Variants in NLRP1 observed in about 807,000 individuals in gnomAD.
NLRP1 encodes the protein NLR family pyrin domain containing 1.
A neutral mutation model predicts 136.7 loss-of-function variants in NLRP1; 94 were observed. That is an observed-to-expected ratio of 0.69 (90% CI 0.58 to 0.82). The LOEUF (loss-of-function observed/expected upper bound fraction) is 0.82, where lower values mean the gene tolerates loss of function less well. Among genes scored for constraint, NLRP1 ranks in the 40% least tolerant of loss-of-function variants. The pLI, the probability that NLRP1 is intolerant of heterozygous loss-of-function variation, is 0.00. For missense variants in NLRP1, 1,575 were observed against 1,802.7 expected, an observed-to-expected ratio of 0.87 and a Z score of 2.29; for synonymous variants, 690 against 725.1, an observed-to-expected ratio of 0.95 and a Z score of 0.78.
chr17:5,573,930 G>A (rs566161194), intron 3 of NLRP1, among the ~76,000 whole-genome samples: 12 of 152,302 alleles, frequency 7.9e-5, no homozygotes, highest in South Asian at 2.1e-4. Flanking sequence ...ATAGCTCCTC[G>A]CCAGCAATGG....
intron 5 of NLRP1, among the ~76,000 whole-genome samples, chr17:5,543,078 C>A (rs1912090568): frequency 6.6e-6 from 1 of 152,236 alleles, no homozygotes; most frequent in Non-Finnish European, 1.5e-5. Context: ...GATCCACCCA[C>A]CTCAGCCTCC....
chr17:5,543,048 T>C (rs1166021576), intron 5 of NLRP1, among the ~76,000 whole-genome samples: 1 of 152,224 alleles, frequency 6.6e-6, no homozygotes, highest in African/African-American at 2.4e-5. Context: ...CAGGCTGGTC[T>C]TCAACCCCTG....
At chr17:5,526,693 G>A (rs1472475341) in intron 12 of NLRP1, among the ~76,000 whole-genome samples, 1 of 152,236 alleles carries the variant, frequency 6.6e-6, no homozygotes. Context: ...ACAGGGTCCT[G>A]AGCTCAGCAG....
At chr17:5,519,306 C>T (rs545566054) in intron 14 of NLRP1, among the ~76,000 whole-genome samples, 31 of 151,828 alleles carry the variant, frequency 2.0e-4, no homozygotes, top group African/African-American at 6.5e-4. Context: ...CCGGCCCTCC[C>T]GGCTAATTTT....
intron 3 of NLRP1, among the ~76,000 whole-genome samples, chr17:5,565,985 C>T (rs974348403): frequency 3.3e-5 from 5 of 152,124 alleles, no homozygotes; most frequent in African/African-American, 1.2e-4. Context: ...TCATAGCAGC[C>T]ACTAATGATC....
At chr17:5,520,144 C>A (rs1908716290) in intron 14 of NLRP1, among the ~76,000 whole-genome samples, 1 of 152,144 alleles carries the variant, frequency 6.6e-6, no homozygotes, top group Non-Finnish European at 1.5e-5. Context: ...GCGTGAGCCA[C>A]CGCGCCTGGC....
intron 14 of NLRP1, chr17:5,518,115 G>A: frequency 2.1e-6 from 1 of 482,262 alleles, no homozygotes; most frequent in East Asian, 3.7e-5. Context: ...TAAACGTAGT[G>A]CTCATAATCC....
At chr17:5,525,837 G>A (rs1341068448) in intron 12 of NLRP1, among the ~76,000 whole-genome samples, 1 of 152,166 alleles carries the variant, frequency 6.6e-6, no homozygotes, top group East Asian at 1.9e-4. Flanking sequence ...GGGATAATAA[G>A]GACCACTTGC....
chr17:5,518,230 C>A, intron 14 of NLRP1: 1 of 200,084 alleles, frequency 5.0e-6, no homozygotes, highest in Non-Finnish European at 1.0e-5. Flanking sequence ...CACCCACTGT[C>A]GATTGACAAA....
At chr17:5,501,906 T>C in intron 15 of NLRP1, 1 of 1,596,218 alleles carries the variant, frequency 6.3e-7, no homozygotes, top group African/African-American at 1.3e-5. Context: ...CTTGGATTTA[T>C]TTGAGTCCCA....
In NLRP1 at chr17:5,514,303, A is replaced by T; in HGVS notation, c.*451T>A. 1 of 553,442 alleles carries T rather than the reference A, an allele frequency of 1.8e-6. No homozygotes were observed. Among genetic ancestry groups the T allele is most frequent in the Non-Finnish European group, 2.3e-6 (1 of 429,644 alleles). The allele number at this position is 553,442 out of a possible 1,614,324, so 34.3% of individuals were successfully genotyped here. On this transcript the variant is annotated 3_prime_UTR_variant, in exon 17 of 17. Coordinates refer to ENST00000572272, the MANE Select transcript of NLRP1 (RefSeq NM_033004.4). Reference sequence around the variant, plus strand: ...TTCTGAATAAACTTCCTTCCACTTTACTCTGTTGGCTTGCTCTTGTAGATC... The same window carrying T: ...TTCTGAATAAACTTCCTTCCACTTTTCTCTGTTGGCTTGCTCTTGTAGATC...
At position 5,553,535 on chromosome 17, in the gene NLRP1, T is replaced by C. The variant is rs765261831; in HGVS notation, c.2379A>G (p.Thr793=). ...AGAAGAGAATCTGCCAATAGGCATCTGTGACTGGGACCCACCTGAACCTGA... is the reference window on the plus strand; with the variant it reads ...AGAAGAGAATCTGCCAATAGGCATCCGTGACTGGGACCCACCTGAACCTGA... ...MVVLFRWVPV[T]DAYWQILFSV... is the part of the protein sequence containing the mutation. Residue 793 remains threonine, a synonymous_variant, in exon 5 of 17, where the codon ACA becomes ACG. Coordinates refer to ENST00000572272, the MANE Select transcript of NLRP1 (RefSeq NM_033004.4). 1 of 1,614,102 alleles carries C rather than the reference T, an allele frequency of 6.2e-7. No homozygotes were observed.
intron 12 of NLRP1, among the ~76,000 whole-genome samples, chr17:5,523,163 A>G (rs972186029): frequency 1.4e-4 from 22 of 152,128 alleles, no homozygotes; most frequent in Non-Finnish European, 1.0e-4. Context: ...GTGCACACTC[A>G]TAATTCCAGC....
intron 5 of NLRP1, among the ~76,000 whole-genome samples, chr17:5,543,110 G>T (rs576328811): frequency 6.6e-6 from 1 of 152,100 alleles, no homozygotes; most frequent in African/African-American, 2.4e-5. Flanking sequence ...GATTACAGGC[G>T]TGAGCCACCG....
chr17:5,568,558 C>A (rs1915556145), intron 3 of NLRP1, among the ~76,000 whole-genome samples: 2 of 152,076 alleles, frequency 1.3e-5, no homozygotes. Context: ...CAGAATTGGT[C>A]CCTGATGCCT....
chr17:5,544,200 G>A (rs1912248222), intron 5 of NLRP1, among the ~76,000 whole-genome samples: 1 of 152,148 alleles, frequency 6.6e-6, no homozygotes, highest in African/African-American at 2.4e-5. Flanking sequence ...AGTGATTATT[G>A]CCACGCTTTA....
At chr17:5,550,691 T>C (rs939640777) in intron 5 of NLRP1, among the ~76,000 whole-genome samples, 14 of 152,158 alleles carry the variant, frequency 9.2e-5, no homozygotes, top group Non-Finnish European at 5.9e-5. Flanking sequence ...GTTTCATTTA[T>C]CTCTACTCTA....
At chr17:5,501,541 C>A (rs1907083698) in exon 16 of NLRP1, 1 of 357,738 alleles carries the variant, frequency 2.8e-6, no homozygotes, top group Admixed American at 4.0e-5. Context: ...TAATACAGCT[C>A]AAGAATTGGT....
chr17:5,562,645 C>G (rs1914891538), intron 3 of NLRP1, among the ~76,000 whole-genome samples: 1 of 152,176 alleles, frequency 6.6e-6, no homozygotes, highest in African/African-American at 2.4e-5. Context: ...CTGGTGATCA[C>G]TCTTAAGCAC....
Sources: allele counts gnomAD v4.1 joint callset (sites outside exome capture counted in the v4.1 genomes callset), GRCh38; gene constraint gnomAD v4.1.1; transcripts MANE v1.5; gene names NCBI Gene and HGNC (gene_info 2026-07-23, HGNC 2026-07-21).